MAMSTR: variants seen among roughly 807,000 people sequenced by gnomAD.
The protein encoded by MAMSTR is MEF2 activating motif and SAP domain containing transcriptional regulator.
A neutral mutation model predicts 42.7 loss-of-function variants in MAMSTR; 41 were observed. That is an observed-to-expected ratio of 0.96 (90% CI 0.75 to 1.25). The LOEUF is 1.25. MAMSTR is among the 50% of genes most tolerant of loss of function. MAMSTR has a pLI of 0.00. For synonymous variants in MAMSTR, 265 were observed against 244.1 expected, an observed-to-expected ratio of 1.09 and a Z score of -0.80; for missense variants, 567 against 557.6, an observed-to-expected ratio of 1.02 and a Z score of -0.17.
Position 48,713,359 on chromosome 19 carries a change from C to G in MAMSTR, c.1156G>C (p.Gly386Arg), listed in dbSNP as rs776994986. 1.9e-6 allele frequency: 3 copies of G among 1,608,972 alleles called. No homozygotes were observed. The highest frequency in any genetic ancestry group is 2.5e-6 in the Non-Finnish European group (3 of 1,178,684). ...ATGCTGGGGGGTGGGGGACCAGAAC[C>G]CAGAGGAGGACCCCCGCTCAGGGCC... ...LEALSGGPPLGSGPPPPSIFS... is the reference protein window; with the variant it reads ...LEALSGGPPLRSGPPPPSIFS... Residue 386 changes from glycine to arginine, a missense_variant, in exon 10 of 10, where the codon GGT (glycine) becomes CGT (arginine). Gly to Arg is a moderately radical substitution (Grantham distance 125). Coordinates refer to ENST00000318083, the MANE Select transcript of MAMSTR (RefSeq NM_001130915.2).
At chr19:48,714,741 G>T in intron 6 of MAMSTR, 65 bp downstream of exon 6, 1 of 1,378,972 alleles carries the variant, frequency 7.3e-7, no homozygotes, top group Non-Finnish European at 1.0e-6. Context: ...AGAGGCTGCG[G>T]GGTTGGAATT....
chr19:48,713,305 T>A lies in MAMSTR; in HGVS notation c.1210A>T (p.Ser404Cys). 6.2e-7 allele frequency: 1 copy of A among 1,604,720 alleles called. No individual in the cohort carries two copies. The change falls in exon 10 of 10, where the codon AGC becomes TGC. Residue 404 changes from serine to cysteine, a missense_variant. Physicochemically the swap from Ser to Cys is moderately radical, Grantham distance 112 (BLOSUM62 -1). Transcript: ENST00000318083. ...TCCAGCAGGTCCCACAGCCGGCTGC[T>A]GCTGGAGTCAGATAAGTCAGCGGAG... ...IFSADLSDSS[S>C]SRLWDLLEDP... is the part of the protein sequence containing the mutation.
chr19:48,708,919 A>C (rs1396695982), downstream of MAMSTR, among the ~76,000 whole-genome samples: 3 of 152,106 alleles, frequency 2.0e-5, no homozygotes, highest in African/African-American at 7.2e-5. Flanking sequence ...GAGAAGAGAT[A>C]TGAAGACAGA....
downstream of MAMSTR, among the ~76,000 whole-genome samples, chr19:48,707,834 GAAAGGAAA>G (rs1434961842): frequency 1.1e-5 from 1 of 88,602 alleles, no homozygotes; most frequent in African/African-American, 5.0e-5. Context: ...GACAAAGAAA[GAAAGGAAA>G]GAAAGAAAGA....
chr19:48,707,753 A>G (rs554693693), downstream of MAMSTR, among the ~76,000 whole-genome samples: 7 of 148,780 alleles, frequency 4.7e-5, no homozygotes, highest in East Asian at 7.8e-4. Context: ...GAGAGAGAGA[A>G]AAGAGAGAAA....
Position 48,715,772 on chromosome 19 carries a change from A to G in MAMSTR, c.98-5T>C. On this transcript the variant is annotated splice_polypyrimidine_tract_variant and splice_region_variant and intron_variant, in intron 3 of 9. Transcript: ENST00000318083. ...TCCACGGGTCCGGATCCGAGACTGG[A>G]GAGACGGTGAAGGACCCTGAGAGGC... is the stretch of plus-strand genomic sequence containing the variant. 1 of 1,538,934 alleles carries G rather than the reference A, an allele frequency of 6.5e-7. No individual in the cohort carries two copies. The highest frequency in any genetic ancestry group is 2.5e-5 in the East Asian group (1 of 40,248).
downstream of MAMSTR, among the ~76,000 whole-genome samples, chr19:48,707,909 A>AAGGAAGG (rs2032677507): frequency 9.1e-6 from 1 of 109,484 alleles, no homozygotes; most frequent in Non-Finnish European, 2.0e-5. Flanking sequence ...AGAAAGGAAG[A>AAGGAAGG]AAGAAAGAAA....
In MAMSTR at chr19:48,713,484, G is replaced by C. The variant is rs1470482093; in HGVS notation, c.1031C>G (p.Ser344Cys). The change falls in exon 10 of 10, where the codon TCT becomes TGT. Residue 344 changes from serine to cysteine, a missense_variant. Ser to Cys is a moderately radical substitution (Grantham distance 112, BLOSUM62 -1). Transcript: ENST00000318083. The stretch of plus-strand genomic sequence containing the variant: ...GGAGAAAACAGATGAGAGGCCTTCA[G>C]AGTCCGGGGAGGGGGACAGCACGTC... ...SFDVLSPSPD[S>C]EGLSSVFSSS... is the part of the protein sequence containing the mutation. 2 of 1,612,854 alleles carry C rather than the reference G, an allele frequency of 1.2e-6. No individual in the cohort carries two copies. Among genetic ancestry groups the C allele is most frequent in the Non-Finnish European group, 1.7e-6 (2 of 1,179,680 alleles).
At chr19:48,709,696 C>T (rs559715958), downstream of MAMSTR, among the ~76,000 whole-genome samples, 1 of 152,208 alleles carries the variant, frequency 6.6e-6, no homozygotes, top group South Asian at 2.1e-4. Context: ...CTATGTAAAC[C>T]AGCCAATCCA....
Position 48,714,442 on chromosome 19 carries a change from C to T in MAMSTR, c.647G>A (p.Arg216His). 7.3e-7 allele frequency: 1 copy of T among 1,366,814 alleles called. No individual in the cohort carries two copies. The highest frequency in any genetic ancestry group is 9.3e-7 in the Non-Finnish European group (1 of 1,071,578). 84.7% of individuals were successfully genotyped at this position (1,366,814 alleles called of 1,614,324 possible). The change falls in exon 7 of 10, where the codon CGC becomes CAC. Residue 216 changes from arginine to histidine, a missense_variant. Arg to His is a conservative substitution (Grantham distance 29, BLOSUM62 0). Transcript: ENST00000318083. The part of the protein sequence containing the change: ...APPRERPKPR[R>H]EDSPAGAPWP... ...GGGAGCACCCGCGGGACTGTCCTCG[C>T]GCCGCGGCTTCGGCCGCTCGCGGGG...
At chr19:48,715,860 C>G (rs766494000) in intron 3 of MAMSTR, 93 bp from the exon 4 acceptor site, 18 of 1,480,812 alleles carry the variant, frequency 1.2e-5, no homozygotes, top group Non-Finnish European at 1.5e-5. Flanking sequence ...TCCAGGGTGC[C>G]GGAGGGCAGG....
intron 2 of MAMSTR, among the ~76,000 whole-genome samples, chr19:48,717,941 G>A (rs1378386593): frequency 6.6e-6 from 1 of 151,998 alleles, no homozygotes; most frequent in Non-Finnish European, 1.5e-5. Context: ...CTGAGCTCAG[G>A]CAATCCGCCC....
chr19:48,714,412 G>A lies in MAMSTR; in HGVS notation c.677C>T (p.Pro226Leu), dbSNP rs1387463309. 1.4e-6 allele frequency: 2 copies of A among 1,389,918 alleles called. No homozygotes were observed. Among genetic ancestry groups the A allele is most frequent in the African/African-American group, 1.5e-5 (1 of 65,518 alleles). The allele number at this position is 1,389,918 out of a possible 1,614,324, so 86.1% of individuals were successfully genotyped here. The change falls in exon 7 of 10, where the codon CCG (proline) becomes CTG (leucine). Residue 226 changes from proline (P) to leucine (L), a missense_variant. By Grantham distance (98) the Pro-to-Leu change is moderately conservative. Coordinates refer to ENST00000318083, the MANE Select transcript of MAMSTR (RefSeq NM_001130915.2). ...REDSPAGAPW[P>L]RLKPKALAAA... ...TGCCAGGGCCTTGGGCTTGAGGCGC[G>A]GCCAGGGAGCACCCGCGGGACTGTC... is the stretch of plus-strand genomic sequence containing the variant.
In MAMSTR at chr19:48,714,468, C is replaced by A; in HGVS notation, c.621G>T (p.Pro207=). The part of the protein sequence containing the change: ...MLLERMRGGA[P]PRERPKPRRE... Reference sequence around the variant, plus strand: ...GCCGCGGCTTCGGCCGCTCGCGGGGCGGCGCGCCGCCGCGCATGCGCTCCA... The same window carrying A: ...GCCGCGGCTTCGGCCGCTCGCGGGGAGGCGCGCCGCCGCGCATGCGCTCCA... Residue 207 remains proline (P), a synonymous_variant, in exon 7 of 10, where the codon CCG becomes CCT. Coordinates refer to ENST00000318083, the MANE Select transcript of MAMSTR (RefSeq NM_001130915.2). 1 of 1,359,266 alleles carries A rather than the reference C, an allele frequency of 7.4e-7. No individual in the cohort carries two copies. Among genetic ancestry groups the A allele is most frequent in the South Asian group, 2.0e-5 (1 of 50,734 alleles). 84.2% of individuals were successfully genotyped at this position (1,359,266 alleles called of 1,614,324 possible).
chr19:48,718,693 T>A (rs867920936), intron 2 of MAMSTR, among the ~76,000 whole-genome samples: 58 of 152,136 alleles, frequency 3.8e-4, no homozygotes, highest in African/African-American at 1.4e-3. Context: ...CCCCTGCGTG[T>A]GCGCCAGTAT....
At position 48,714,593 on chromosome 19, in the gene MAMSTR, G is replaced by A; in HGVS notation, c.529-33C>T. The A allele has an allele frequency of 2.7e-6, 4 of 1,464,048 alleles. No individual in the cohort carries two copies. The South Asian group carries it at 5.6e-5, about 21-fold the overall frequency. The allele number at this position is 1,464,048 out of a possible 1,614,324, so 90.7% of individuals were successfully genotyped here. ...GGGGCGGGGCGTGGGAAGAGGCAGT[G>A]CTGGGCGGGCTCCCGGGCGCAGGCA... On this transcript the variant is annotated intron_variant, in intron 6 of 9. Coordinates refer to ENST00000318083, the MANE Select transcript of MAMSTR (RefSeq NM_001130915.2).
At chr19:48,717,122 A>T in intron 2 of MAMSTR, 1 of 272,008 alleles carries the variant, frequency 3.7e-6, no homozygotes, top group Non-Finnish European at 5.7e-6. Flanking sequence ...CACTCCTGCT[A>T]CTTTCTGTGC....
chr19:48,711,008 T>C (rs1361373003), downstream of MAMSTR, among the ~76,000 whole-genome samples: 1 of 152,194 alleles, frequency 6.6e-6, no homozygotes, highest in Non-Finnish European at 1.5e-5. Flanking sequence ...CTGTGACCCA[T>C]GGCTCATGGC....
chr19:48,718,830 C>T lies in MAMSTR; in HGVS notation c.58+144G>A, dbSNP rs895479269. On this transcript the variant is annotated intron_variant, in intron 2 of 9. Transcript: ENST00000318083. ...CTCGTTGATCCACCACAGCCGGACCCCTGTGCTTGGGCCTCCTTTATGCAA... is the reference window on the plus strand; with the variant it reads ...CTCGTTGATCCACCACAGCCGGACCTCTGTGCTTGGGCCTCCTTTATGCAA... The T allele has an allele frequency of 4.0e-5, 31 of 775,340 alleles. No individual in the cohort carries two copies. In the African/African-American group the frequency reaches 4.3e-4, roughly 11 times the overall value. 48.0% of individuals were successfully genotyped at this position (775,340 alleles called of 1,614,324 possible).
Sources: allele counts gnomAD v4.1 joint callset (sites outside exome capture counted in the v4.1 genomes callset), GRCh38; gene constraint gnomAD v4.1.1; transcripts MANE v1.5; gene names NCBI Gene and HGNC (gene_info 2026-07-23, HGNC 2026-07-21).